The following HBEGF variants were observed in gnomAD, a reference collection of about 807,000 sequenced individuals.
HBEGF encodes heparin binding EGF like growth factor.
A neutral mutation model predicts 19.5 loss-of-function variants in HBEGF; 8 were observed. The observed-to-expected ratio is 0.41, with a 90% CI of 0.24 to 0.74. The LOEUF is 0.74. Ranked by LOEUF, HBEGF falls within the 30% of genes least tolerant of loss-of-function variation. The probability of loss-of-function intolerance (pLI) is 0.32; values close to 1 mark genes in which losing one functional copy is unlikely to be tolerated. For synonymous variants in HBEGF, 97 were observed against 108.9 expected (o/e 0.89, Z 0.68); for missense variants, 207 against 256.9 (o/e 0.81, Z 1.33).
At chr5:140,340,104 T>A (rs1232813564) in intron 3 of HBEGF, among the ~76,000 whole-genome samples, 1 of 138,522 alleles carries the variant, frequency 7.2e-6, no homozygotes, top group African/African-American at 2.7e-5. Flanking sequence ...CTGGCCAACA[T>A]GGTGAAACCC....
chr5:140,346,193 G>C lies in HBEGF; in HGVS notation c.46+90C>G. 1 of 1,552,994 alleles carries C rather than the reference G, an allele frequency of 6.4e-7. No individual in the cohort carries two copies. The highest frequency in any genetic ancestry group is 8.7e-7 in the Non-Finnish European group (1 of 1,148,744). ...GCGCAAGGGCCCCACCAAGTGGCCCGTGCCGGGTGCGCTGCGGCGACCTTC... is the reference window on the plus strand; with the variant it reads ...GCGCAAGGGCCCCACCAAGTGGCCCCTGCCGGGTGCGCTGCGGCGACCTTC... On this transcript the variant is annotated intron_variant, in intron 1 of 5. Transcript: ENST00000230990. The surrounding 1 kb of genome is among the most constrained non-coding windows in gnomAD (Gnocchi z 6.1).
At chr5:140,334,955 T>G in intron 4 of HBEGF, 1 of 600,850 alleles carries the variant, frequency 1.7e-6, no homozygotes, top group Admixed American at 2.9e-5. Flanking sequence ...ACAAATAGCT[T>G]TCACCTCATT....
intron 4 of HBEGF, 27 bp from the exon 5 acceptor site, chr5:140,334,775 G>C: frequency 6.4e-7 from 1 of 1,552,550 alleles, no homozygotes; most frequent in Admixed American, 1.7e-5. Flanking sequence ...TTGTGAATAA[G>C]CCCTGCCTGC....
chr5:140,334,104 G>A lies in HBEGF; in HGVS notation c.*195C>T, dbSNP rs1049997668. On this transcript the variant is annotated 3_prime_UTR_variant, in exon 6 of 6. Transcript: ENST00000230990. ...GCTTTCTTCTTACCCAGATACCATCGGACATACTCTGTTTGGCACTTGAAG... is the reference window on the plus strand; with the variant it reads ...GCTTTCTTCTTACCCAGATACCATCAGACATACTCTGTTTGGCACTTGAAG... 2 of 153,058 alleles carry A rather than the reference G, an allele frequency of 1.3e-5. No individual in the cohort carries two copies. Among genetic ancestry groups the A allele is most frequent in the African/African-American group, 4.8e-5 (2 of 41,402 alleles). 9.5% of individuals were successfully genotyped at this position (153,058 alleles called of 1,614,324 possible).
intron 3 of HBEGF, among the ~76,000 whole-genome samples, chr5:140,339,898 C>G (rs148453886): frequency 3.3e-4 from 51 of 152,276 alleles, no homozygotes; most frequent in African/African-American, 1.1e-3. Flanking sequence ...ATGTCACATT[C>G]CCCCAAACCA....
rs1766398498 is a variant in HBEGF, at chr5:140,346,229, C to G, written c.46+54G>C. The G allele has an allele frequency of 3.8e-6, 6 of 1,571,236 alleles. No individual in the cohort carries two copies. The East Asian group carries it at 1.2e-4, about 31-fold the overall frequency. On this transcript the variant is annotated intron_variant, in intron 1 of 5. Transcript: ENST00000230990. This position sits in a 1 kb window ranked among gnomAD's most constrained non-coding sequence, Gnocchi z 6.1. Reference sequence around the variant, plus strand: ...GCTGCGGCGACCTTCCCCCATGCCCCCAGCACAACGCCCCCATCCCCCCGA... The same window carrying G: ...GCTGCGGCGACCTTCCCCCATGCCCGCAGCACAACGCCCCCATCCCCCCGA...
intron 2 of HBEGF, among the ~76,000 whole-genome samples, chr5:140,345,138 C>T (rs1324723985): frequency 1.3e-5 from 2 of 152,228 alleles, no homozygotes; most frequent in Admixed American, 1.3e-4. Context: ...TTCCAGGGTA[C>T]AGTGCTGAGT....
intron 3 of HBEGF, among the ~76,000 whole-genome samples, chr5:140,338,641 C>A (rs1766263300): frequency 6.6e-6 from 1 of 152,186 alleles, no homozygotes; most frequent in Non-Finnish European, 1.5e-5. Flanking sequence ...TATTACCTAC[C>A]TCCCCCTCCC....
At position 140,336,071 on chromosome 5, in the gene HBEGF, G is replaced by A. The variant is rs762728615; in HGVS notation, c.399-44C>T. 8 of 1,593,064 alleles carry A rather than the reference G, an allele frequency of 5.0e-6. No homozygotes were observed. The South Asian group carries it at 9.1e-5, about 18-fold the overall frequency. On this transcript the variant is annotated intron_variant, in intron 3 of 5. Coordinates refer to ENST00000230990, the MANE Select transcript of HBEGF (RefSeq NM_001945.3). ...AGAAGGAGATGGAGTTAGTGCTTTGGCCTCTCTTGGCAATGGCCCACCTGC... is the reference window on the plus strand; with the variant it reads ...AGAAGGAGATGGAGTTAGTGCTTTGACCTCTCTTGGCAATGGCCCACCTGC...
chr5:140,334,687 T>C lies in HBEGF; in HGVS notation c.616A>G (p.Asn206Asp). ...NEEKVKLGMT[N>D]SH is the part of the protein sequence containing the mutation. ...AGCACAAGTCTCTCTCAGTGGGAATTAGTCATGCCCAACTTCACTTTCTCT... is the reference window on the plus strand; with the variant it reads ...AGCACAAGTCTCTCTCAGTGGGAATCAGTCATGCCCAACTTCACTTTCTCT... The change falls in exon 5 of 6, where the codon AAT becomes GAT. Residue 206 changes from asparagine (N) to aspartate (D), a missense_variant. By Grantham distance (23) the Asn-to-Asp change is conservative. Around this residue, in one of 3 missense-constraint regions of HBEGF, gnomAD observed 77 missense variants for 106.9 expected, o/e 0.72. Coordinates refer to ENST00000230990, the MANE Select transcript of HBEGF (RefSeq NM_001945.3). 1 of 1,611,482 alleles carries C rather than the reference T, an allele frequency of 6.2e-7. No individual in the cohort carries two copies. Among genetic ancestry groups the C allele is most frequent in the Non-Finnish European group, 8.5e-7 (1 of 1,177,586 alleles).
In HBEGF at chr5:140,342,809, G is replaced by A. The variant is rs1222080629; in HGVS notation, c.224C>T (p.Thr75Ile). ...CAGTGCTTGTGGCTTGGAGGATAAA[G>A]TGACTGTAGGAGAAAAGCACTCTGT... ...QEADLDLLRV[T>I]LSSKPQALAT... Residue 75 changes from threonine to isoleucine, a missense_variant, in exon 3 of 6, where the codon ACT becomes ATT. Physicochemically the swap from Thr to Ile is moderately conservative, Grantham distance 89 (BLOSUM62 -1). Coordinates refer to ENST00000230990, the MANE Select transcript of HBEGF (RefSeq NM_001945.3). The A allele has an allele frequency of 2.4e-5, 39 of 1,614,056 alleles. No individual in the cohort carries two copies. Among genetic ancestry groups the A allele is most frequent in the South Asian group, 3.3e-5 (3 of 91,088 alleles).
Position 140,346,204 on chromosome 5 carries a change from G to A in HBEGF, c.46+79C>T, listed in dbSNP as rs1766397590. On this transcript the variant is annotated intron_variant, in intron 1 of 5. Transcript: ENST00000230990. The surrounding 1 kb of genome is among the most constrained non-coding windows in gnomAD (Gnocchi z 6.1). ...CCACCAAGTGGCCCGTGCCGGGTGC[G>A]CTGCGGCGACCTTCCCCCATGCCCC... The A allele has an allele frequency of 6.4e-7, 1 of 1,554,440 alleles. No homozygotes were observed. Among genetic ancestry groups the A allele is most frequent in the East Asian group, 2.4e-5 (1 of 41,424 alleles).
rs1266792950 is a variant in HBEGF at position 140,346,215 on chromosome 5, C to G, written c.46+68G>C. 4 of 1,560,398 alleles carry G rather than the reference C, an allele frequency of 2.6e-6. No individual in the cohort carries two copies. Among genetic ancestry groups the G allele is most frequent in the Non-Finnish European group, 3.5e-6 (4 of 1,153,480 alleles). On this transcript the variant is annotated intron_variant, in intron 1 of 5. Transcript: ENST00000230990. This position sits in a 1 kb window ranked among gnomAD's most constrained non-coding sequence, Gnocchi z 6.1. ...CCCGTGCCGGGTGCGCTGCGGCGAC[C>G]TTCCCCCATGCCCCCAGCACAACGC... is the stretch of plus-strand genomic sequence containing the variant.
chr5:140,341,601 GAAGCTTT>G (rs767081122), intron 3 of HBEGF, among the ~76,000 whole-genome samples: 2 of 152,186 alleles, frequency 1.3e-5, no homozygotes, highest in African/African-American at 2.4e-5. Flanking sequence ...ACAAAACAAG[GAAGCTTT>G]AAAAAGCTAA....
At chr5:140,340,809 T>C (rs1016338780) in intron 3 of HBEGF, among the ~76,000 whole-genome samples, 11 of 152,094 alleles carry the variant, frequency 7.2e-5, no homozygotes, top group Non-Finnish European at 1.0e-4. Flanking sequence ...CAACACCCAG[T>C]ACAGCTTGAG....
At chr5:140,338,102 C>A (rs1318968575) in intron 3 of HBEGF, among the ~76,000 whole-genome samples, 1 of 152,194 alleles carries the variant, frequency 6.6e-6, no homozygotes, top group Non-Finnish European at 1.5e-5. Context: ...CCACTTTGAA[C>A]AATGCAGGAT....
intron 3 of HBEGF, among the ~76,000 whole-genome samples, chr5:140,339,954 G>C (rs1298100278): frequency 6.6e-6 from 1 of 152,162 alleles, no homozygotes; most frequent in Non-Finnish European, 1.5e-5. Context: ...AGCAAGGGCA[G>C]GAGGCAGTAG....
chr5:140,342,374 C>T (rs946403606), intron 3 of HBEGF, among the ~76,000 whole-genome samples: 1 of 152,172 alleles, frequency 6.6e-6, no homozygotes, highest in African/African-American at 2.4e-5. Flanking sequence ...CTGTCCTAGC[C>T]ACATGCTCAT....
chr5:140,336,822 CTTTTTCTTTTTT>C (rs1561539455), intron 3 of HBEGF, among the ~76,000 whole-genome samples: 1 of 146,354 alleles, frequency 6.8e-6, no homozygotes, highest in African/African-American at 2.6e-5. Flanking sequence ...TTTTCTTTTT[CTTTTTCTTTTTT>C]TTTTTTTTTT....
Sources: gnomAD v4.1 joint callset for allele counts (sites outside exome capture counted in the v4.1 genomes callset) on GRCh38, gnomAD v4.1.1 for gene constraint, gnomAD v4.1.1 regional missense constraint, Gnocchi (gnomAD v3.1) non-coding constraint, MANE v1.5 for transcripts, NCBI Gene and HGNC (gene_info 2026-07-23, HGNC 2026-07-21) for gene names.